The following TMEM245 variants were observed in gnomAD, a reference collection of about 807,000 sequenced individuals.
The protein encoded by TMEM245 is transmembrane protein 245, also known as protein CG-2.
A neutral mutation model predicts 101.2 loss-of-function variants in TMEM245; 69 were observed. The observed-to-expected ratio is 0.68, with a 90% CI of 0.56 to 0.83. The LOEUF is 0.83. TMEM245 is among the 40% of genes least tolerant of loss of function. TMEM245 has a pLI of 0.00. For synonymous variants in TMEM245, 537 were observed against 449.8 expected (o/e 1.19, Z -2.45); for missense variants, 1,075 against 1,092.8 (o/e 0.98, Z 0.23).
Position 109,060,445 on chromosome 9 carries a change from T to C in TMEM245, c.1631A>G (p.Lys544Arg). Residue 544 changes from lysine (K) to arginine (R), a missense_variant, in exon 11 of 18, where the codon AAA becomes AGA. Lys to Arg is a conservative substitution (Grantham distance 26). Transcript: ENST00000374586. The stretch of plus-strand genomic sequence containing the variant: ...ATTGTTCACCTTATCTCCTAGAATT[T>C]TATGGAGCTAGAAAAAAACACAGAT... ...GREWITHKLHKILGDKVNNTA... is the reference protein window; with the variant it reads ...GREWITHKLHRILGDKVNNTA... 1 of 1,611,112 alleles carries C rather than the reference T, an allele frequency of 6.2e-7. No homozygotes were observed. The highest frequency in any genetic ancestry group is 8.5e-7 in the Non-Finnish European group (1 of 1,178,482).
intron 5 of TMEM245, among the ~76,000 whole-genome samples, chr9:109,089,489 A>G (rs999477486): frequency 6.6e-6 from 1 of 152,244 alleles, no homozygotes. Context: ...GTTTTAATCA[A>G]TAGTGAAAAA....
intron 17 of TMEM245, among the ~76,000 whole-genome samples, chr9:109,031,990 C>T (rs575650835): frequency 4.3e-4 from 65 of 152,208 alleles, no homozygotes; most frequent in Admixed American, 2.2e-3. Context: ...ATTGAAATGC[C>T]GGTACAATTA....
chr9:109,040,609 T>C (rs1225271713), intron 14 of TMEM245, among the ~76,000 whole-genome samples: 1 of 152,232 alleles, frequency 6.6e-6, no homozygotes, highest in South Asian at 2.1e-4. Flanking sequence ...TTGTATTAAA[T>C]TGTGGCAAAA....
chr9:109,080,757 C>T, intron 8 of TMEM245, 82 bp downstream of exon 8: 1 of 807,478 alleles, frequency 1.2e-6, no homozygotes, highest in Non-Finnish European at 2.0e-6. Flanking sequence ...ATTTTCCATG[C>T]CCCTTCTGCT....
intron 17 of TMEM245, among the ~76,000 whole-genome samples, chr9:109,032,262 C>T (rs1827967459): frequency 6.6e-6 from 1 of 151,012 alleles, no homozygotes; most frequent in African/African-American, 2.4e-5. Flanking sequence ...ACATATGGTC[C>T]ATGTTCAAAT....
intron 14 of TMEM245, among the ~76,000 whole-genome samples, chr9:109,044,757 T>C (rs911869029): frequency 9.4e-5 from 14 of 148,230 alleles, no homozygotes; most frequent in Non-Finnish European, 1.9e-4. Flanking sequence ...TCATTTATCA[T>C]TTTGGTTTTT....
intron 17 of TMEM245, among the ~76,000 whole-genome samples, chr9:109,023,705 G>A (rs1432450341): frequency 6.6e-6 from 1 of 152,002 alleles, no homozygotes; most frequent in East Asian, 1.9e-4. Context: ...GCGTGGTCGC[G>A]GGCGCCTGTA....
chr9:109,067,871 T>C (rs1402820367), intron 9 of TMEM245, among the ~76,000 whole-genome samples: 1 of 152,188 alleles, frequency 6.6e-6, no homozygotes, highest in Non-Finnish European at 1.5e-5. Flanking sequence ...TTCTTAACTG[T>C]ATCTTCTCCA....
intron 17 of TMEM245, among the ~76,000 whole-genome samples, chr9:109,025,610 C>T (rs1588014727): frequency 6.6e-6 from 1 of 152,174 alleles, no homozygotes; most frequent in Admixed American, 6.5e-5. Context: ...ATATGCCTTA[C>T]AGGATTTTCT....
intron 17 of TMEM245, among the ~76,000 whole-genome samples, chr9:109,032,884 C>T (rs528481452): frequency 2.7e-5 from 4 of 149,884 alleles, no homozygotes; most frequent in Non-Finnish European, 4.4e-5. Context: ...CTGCAGCCTC[C>T]GCCTCCTGGG....
At position 109,119,352 on chromosome 9, in the gene TMEM245, A is replaced by C. The variant is rs1179995890; in HGVS notation, c.562T>G (p.Tyr188Asp). 3.3e-6 allele frequency: 5 copies of C among 1,531,594 alleles called. No homozygotes were observed. Among genetic ancestry groups the C allele is most frequent in the Non-Finnish European group, 4.4e-6 (5 of 1,143,252 alleles). 94.9% of individuals were successfully genotyped at this position (1,531,594 alleles called of 1,614,324 possible). Residue 188 changes from tyrosine to aspartate, a missense_variant, in exon 1 of 18, where the codon TAC becomes GAC. Transcript: ENST00000374586. ...TCACTCACCCACAGGCTGCTGAAGTAGTCCAGCCCGCGGCAGATGAGCGTG... is the reference window on the plus strand; with the variant it reads ...TCACTCACCCACAGGCTGCTGAAGTCGTCCAGCCCGCGGCAGATGAGCGTG... ...AATLICRGLD[Y>D]FSSLWIWTLV...
intron 16 of TMEM245, among the ~76,000 whole-genome samples, chr9:109,035,556 G>A (rs776758376): frequency 6.6e-6 from 1 of 152,054 alleles, no homozygotes; most frequent in Non-Finnish European, 1.5e-5. Context: ...CTGAGATTTG[G>A]TTTCACATGG....
rs1247945517 is a variant in TMEM245, at chr9:109,019,771, G to C, written c.*689C>G. 1 of 152,512 alleles carries C rather than the reference G, an allele frequency of 6.6e-6. No homozygotes were observed. Among genetic ancestry groups the C allele is most frequent in the Non-Finnish European group, 1.5e-5 (1 of 68,048 alleles). 9.4% of individuals were successfully genotyped at this position (152,512 alleles called of 1,614,324 possible). On this transcript the variant is annotated 3_prime_UTR_variant, in exon 18 of 18. Coordinates refer to ENST00000374586, the MANE Select transcript of TMEM245 (RefSeq NM_032012.4). ...CTTAATAAGTATTTCACTTCAACGTGGTCAGCCAAGTTTTATAATTTGGCA... is the reference window on the plus strand; with the variant it reads ...CTTAATAAGTATTTCACTTCAACGTCGTCAGCCAAGTTTTATAATTTGGCA...
chr9:109,051,295 A>AC (rs1828673125), intron 12 of TMEM245, among the ~76,000 whole-genome samples: 5 of 135,152 alleles, frequency 3.7e-5, no homozygotes, highest in Non-Finnish European at 6.2e-5. Flanking sequence ...TCTGTCTCAA[A>AC]ACACACACAC....
Position 109,119,734 on chromosome 9 carries a change from C to G in TMEM245, c.180G>C (p.Val60=), listed in dbSNP as rs1451890628. The change falls in exon 1 of 18, where the codon GTG becomes GTC. Residue 60 remains valine (V), a synonymous_variant. Transcript: ENST00000374586. ...CGCCGCAGCACAGGCACACGAACAGCACGGCCCCGGTGTTGTAGAAGGCCT... is the reference window on the plus strand; with the variant it reads ...CGCCGCAGCACAGGCACACGAACAGGACGGCCCCGGTGTTGTAGAAGGCCT... ...IKQAFYNTGA[V]LFVCLCCGAA... 4 of 1,540,724 alleles carry G rather than the reference C, an allele frequency of 2.6e-6. No homozygotes were observed. The highest frequency in any genetic ancestry group is 1.7e-4 in the Middle Eastern group (1 of 5,870).
intron 16 of TMEM245, 101 bp from the exon 17 acceptor site, chr9:109,033,602 ATATTAT>A: frequency 8.5e-7 from 1 of 1,178,000 alleles, no homozygotes; most frequent in Non-Finnish European, 1.1e-6. Context: ...GCTTTTTAGC[ATATTAT>A]CAGCTTTCTT....
chr9:109,043,851 T>C (rs993383325), intron 14 of TMEM245, among the ~76,000 whole-genome samples: 18 of 152,150 alleles, frequency 1.2e-4, no homozygotes, highest in Admixed American at 1.2e-3. Context: ...CCATCGTGCA[T>C]CCAATCCAGC....
Position 109,087,197 on chromosome 9 carries a change from T to C in TMEM245, c.1296A>G (p.Lys432=), listed in dbSNP as rs1419108084. The C allele has an allele frequency of 6.2e-7, 1 of 1,608,368 alleles. No homozygotes were observed. Among genetic ancestry groups the C allele is most frequent in the African/African-American group, 1.3e-5 (1 of 74,474 alleles). The stretch of plus-strand genomic sequence containing the variant: ...CCTTGCTATCAACTTTTAACAAGAA[T>C]TTTCCAAGCCCGACAATGGGCCAAG... ...LAPWPIVGLG[K]FLLKVDSKLW... Residue 432 remains lysine, a synonymous_variant, in exon 6 of 18, where the codon AAA becomes AAG. Coordinates refer to ENST00000374586, the MANE Select transcript of TMEM245 (RefSeq NM_032012.4).
intron 11 of TMEM245, among the ~76,000 whole-genome samples, chr9:109,058,629 G>A (rs966492605): frequency 6.6e-6 from 1 of 152,104 alleles, no homozygotes; most frequent in Admixed American, 6.5e-5. Flanking sequence ...TTTAGAGACA[G>A]CGTCTTGCTT....
Sources: gnomAD v4.1 joint callset for allele counts (sites outside exome capture counted in the v4.1 genomes callset) on GRCh38, gnomAD v4.1.1 for gene constraint, MANE v1.5 for transcripts, NCBI Gene and HGNC (gene_info 2026-07-23, HGNC 2026-07-21) for gene names.